Variants in GRID2 observed in about 807,000 individuals in gnomAD.
The protein encoded by GRID2 is glutamate ionotropic receptor delta type subunit 2, also known as glutamate receptor ionotropic, delta-2.
In GRID2, 33 loss-of-function variants were observed where a neutral mutation model predicts 114.8. The observed-to-expected ratio is 0.29, with a 90% CI of 0.22 to 0.38. The LOEUF (loss-of-function observed/expected upper bound fraction) is 0.38, where lower values mean the gene tolerates loss of function less well. Ranked by LOEUF, GRID2 falls within the 10% of genes least tolerant of loss-of-function variation. The pLI, the probability that GRID2 is intolerant of heterozygous loss-of-function variation, is 1.00. For synonymous variants in GRID2, 505 were observed against 449.9 expected (o/e 1.12, Z -1.55); for missense variants, 1,184 against 1,257.7 (o/e 0.94, Z 0.89).
chr4:93,226,566 A>C (rs62310363), intron 7 of GRID2, among the ~76,000 whole-genome samples: 10,518 of 152,246 alleles, frequency 0.069, 493 homozygotes, highest in East Asian at 0.25. Context: ...CCCTGCTCCC[A>C]GGGCTTTGCT....
intron 2 of GRID2, among the ~76,000 whole-genome samples, chr4:92,787,799 A>T (rs1040888924): frequency 6.6e-6 from 1 of 151,862 alleles, no homozygotes; most frequent in Non-Finnish European, 1.5e-5. Context: ...TATCCTGATA[A>T]GAGATGGTGC....
At chr4:92,702,494 T>C (rs1027997815) in intron 2 of GRID2, 5 of 152,112 alleles carry the variant, frequency 3.3e-5, no homozygotes, top group African/African-American at 1.2e-4. Context: ...CATTTGCTGA[T>C]GCAATAAAAC....
chr4:92,486,509 A>G (rs1004667467), intron 1 of GRID2, among the ~76,000 whole-genome samples: 1 of 151,458 alleles, frequency 6.6e-6, no homozygotes, highest in Non-Finnish European at 1.5e-5. Flanking sequence ...GTCCTTTCAA[A>G]AAGTGATGTA....
chr4:92,906,342 G>A (rs1747949488), intron 2 of GRID2, among the ~76,000 whole-genome samples: 1 of 147,622 alleles, frequency 6.8e-6, no homozygotes, highest in Non-Finnish European at 1.5e-5. Flanking sequence ...TGTGCTCTAG[G>A]CAGAGCTTTT....
chr4:92,794,140 C>T (rs1484710807), intron 2 of GRID2, among the ~76,000 whole-genome samples: 6 of 151,750 alleles, frequency 4.0e-5, no homozygotes, highest in African/African-American at 1.4e-4. Flanking sequence ...TTTTTTGAGT[C>T]AGAGTTCTTA....
chr4:93,342,466 C>G (rs1023216674), intron 8 of GRID2, among the ~76,000 whole-genome samples: 25 of 152,260 alleles, frequency 1.6e-4, no homozygotes, highest in South Asian at 2.1e-4. Flanking sequence ...TATCATTCCC[C>G]CTCCTAAATC....
chr4:92,545,448 G>A (rs1006939585), intron 1 of GRID2, among the ~76,000 whole-genome samples: 3 of 152,056 alleles, frequency 2.0e-5, no homozygotes, highest in Non-Finnish European at 4.4e-5. Context: ...TAAAATATAC[G>A]TCCAGTGAAT....
chr4:93,075,100 C>T (rs1729139295), intron 2 of GRID2, among the ~76,000 whole-genome samples: 1 of 152,136 alleles, frequency 6.6e-6, no homozygotes, highest in African/African-American at 2.4e-5. Context: ...TGACTATATT[C>T]TAACCCATTT....
At position 92,951,729 on chromosome 4, in the gene GRID2, A is replaced by G. The variant is rs937829652; in HGVS notation, c.245-133266A>G. Among the ~76,000 whole-genome samples, 6 of 152,184 alleles carry G rather than the reference A, an allele frequency of 3.9e-5. No homozygotes were observed. The East Asian group carries it at 1.2e-3, about 29-fold the overall frequency. On this transcript the variant is annotated intron_variant, in intron 2 of 15. Transcript: ENST00000282020. Reference sequence around the variant, plus strand: ...TTTTGCACCAAACTGTGTGACCCAAACACCCAATTCCTCTTCCAAAATTGG... The same window carrying G: ...TTTTGCACCAAACTGTGTGACCCAAGCACCCAATTCCTCTTCCAAAATTGG...
At chr4:93,241,800 A>T (rs1256492116) in intron 8 of GRID2, among the ~76,000 whole-genome samples, 2 of 149,140 alleles carry the variant, frequency 1.3e-5, no homozygotes, top group Non-Finnish European at 3.0e-5. Flanking sequence ...ACAGTAGAAA[A>T]GTAAAAAAAA....
At chr4:93,630,844 CTGA>C (rs1743177775) in intron 14 of GRID2, among the ~76,000 whole-genome samples, 3 of 152,246 alleles carry the variant, frequency 2.0e-5, no homozygotes, top group Non-Finnish European at 2.9e-5. Context: ...TTCAAAATTT[CTGA>C]TTTCATATCC....
At chr4:92,584,328 A>G (rs982785774) in intron 1 of GRID2, among the ~76,000 whole-genome samples, 2 of 152,050 alleles carry the variant, frequency 1.3e-5, no homozygotes, top group Non-Finnish European at 2.9e-5. Flanking sequence ...TGACTTGGAT[A>G]TATGCTTACA....
At chr4:92,653,304 TAC>T (rs145150152) in intron 2 of GRID2, among the ~76,000 whole-genome samples, 18 of 146,534 alleles carry the variant, frequency 1.2e-4, no homozygotes, top group Admixed American at 2.1e-4. Flanking sequence ...TGGCCAAAAT[TAC>T]ACACACACAC....
chr4:93,714,145 C>A (rs778496639), intron 14 of GRID2, among the ~76,000 whole-genome samples: 3 of 151,828 alleles, frequency 2.0e-5, no homozygotes, highest in Admixed American at 6.6e-5. Context: ...TGTGTCCGTG[C>A]GTTCTCATTG....
chr4:93,645,638 G>A (rs1722041392), intron 14 of GRID2, among the ~76,000 whole-genome samples: 1 of 152,106 alleles, frequency 6.6e-6, no homozygotes, highest in African/African-American at 2.4e-5. Context: ...TGGATACCTG[G>A]GTCATCCCTT....
chr4:92,548,221 A>G (rs1307321204), intron 1 of GRID2, among the ~76,000 whole-genome samples: 2 of 152,000 alleles, frequency 1.3e-5, no homozygotes, highest in East Asian at 3.9e-4. Context: ...CTACTCGCTG[A>G]GGACAAGGTG....
intron 4 of GRID2, among the ~76,000 whole-genome samples, chr4:93,206,403 T>C (rs1435789736): frequency 6.6e-6 from 1 of 152,054 alleles, no homozygotes; most frequent in Non-Finnish European, 1.5e-5. Context: ...TCCTTGATAG[T>C]TATTTGAAAG....
At chr4:92,735,826 T>C (rs1736568469) in intron 2 of GRID2, among the ~76,000 whole-genome samples, 1 of 152,066 alleles carries the variant, frequency 6.6e-6, no homozygotes, top group Non-Finnish European at 1.5e-5. Flanking sequence ...TGTTCTCAAC[T>C]AATAATCAAT....
intron 2 of GRID2, among the ~76,000 whole-genome samples, chr4:92,793,510 G>C (rs760883788): frequency 6.0e-4 from 90 of 150,948 alleles, no homozygotes; most frequent in Non-Finnish European, 1.2e-3. Context: ...GTTTACCTAT[G>C]TAACAAATCT....
Sources: allele counts gnomAD v4.1 joint callset (sites outside exome capture counted in the v4.1 genomes callset), GRCh38; gene constraint gnomAD v4.1.1; transcripts MANE v1.5; gene names NCBI Gene and HGNC (gene_info 2026-07-23, HGNC 2026-07-21).